CBX5: variants seen among roughly 807,000 people sequenced by gnomAD.
CBX5 encodes the protein chromobox 5, also known as chromobox protein homolog 5.
Under a neutral mutation model 20.7 loss-of-function variants are expected in CBX5, and 7 were observed. The observed-to-expected ratio is 0.34, with a 90% CI of 0.19 to 0.63. CBX5 has a LOEUF of 0.63. Among genes scored for constraint, CBX5 ranks in the 30% least tolerant of loss-of-function variants. The pLI is 0.75. For synonymous variants in CBX5, 78 were observed against 77.0 expected (o/e 1.01, Z -0.07); for missense variants, 110 against 224.1 (o/e 0.49, Z 3.25).
chr12:54,250,666 G>A (rs540224028), intron 3 of CBX5, among the ~76,000 whole-genome samples: 84 of 147,252 alleles, frequency 5.7e-4, no homozygotes, highest in Non-Finnish European at 1.0e-3. Context: ...TTAGCCGGGC[G>A]CGGTGGCGGG....
At chr12:54,257,771 G>GAC in intron 1 of CBX5, 79 bp from the exon 2 acceptor site, 2 of 1,028,446 alleles carry the variant, frequency 1.9e-6, no homozygotes, top group Non-Finnish European at 2.9e-6. Context: ...GGATGAAAAG[G>GAC]GGATAACACT....
chr12:54,258,655 A>G (rs2137022510), intron 1 of CBX5, among the ~76,000 whole-genome samples: 1 of 152,360 alleles, frequency 6.6e-6, no homozygotes, highest in Non-Finnish European at 1.5e-5. Context: ...TCAACAGAGA[A>G]TCTAGTTTTA....
At chr12:54,265,977 G>A (rs1943951903) in intron 1 of CBX5, among the ~76,000 whole-genome samples, 2 of 151,994 alleles carry the variant, frequency 1.3e-5, no homozygotes, top group South Asian at 4.2e-4. Flanking sequence ...AACCTGGGAG[G>A]TGGAGGTTGC....
chr12:54,241,749 C>T lies in CBX5; in HGVS notation c.*6G>A, dbSNP rs772992755. 8 of 1,607,586 alleles carry T rather than the reference C, an allele frequency of 5.0e-6. No homozygotes were observed. Among genetic ancestry groups the T allele is most frequent in the Admixed American group, 1.7e-5 (1 of 57,810 alleles). The stretch of plus-strand genomic sequence containing the variant: ...CAAAGAGAAATGACAGAGACCATCC[C>T]CTCCTTTAGCTCTTTGCTGTTTCTT... On this transcript the variant is annotated 3_prime_UTR_variant, in exon 5 of 5. Coordinates refer to ENST00000209875, the MANE Select transcript of CBX5 (RefSeq NM_012117.3).
chr12:54,255,615 TAA>T (rs1416865413), intron 2 of CBX5: 2 of 150,558 alleles, frequency 1.3e-5, no homozygotes, highest in Admixed American at 6.6e-5. Context: ...AAAAAAGAAT[TAA>T]AGTTTTGAAA....
At chr12:54,268,645 G>A (rs1261586300) in intron 1 of CBX5, among the ~76,000 whole-genome samples, 1 of 152,214 alleles carries the variant, frequency 6.6e-6, no homozygotes, top group African/African-American at 2.4e-5. Flanking sequence ...GTCAAGCATT[G>A]CATGAGCACA....
At chr12:54,268,441 G>A (rs544720128) in intron 1 of CBX5, among the ~76,000 whole-genome samples, 1 of 152,274 alleles carries the variant, frequency 6.6e-6, no homozygotes, top group South Asian at 2.1e-4. Flanking sequence ...AAAGGGATGG[G>A]CAATCTCAGA....
chr12:54,246,838 T>A (rs955150040), intron 3 of CBX5, among the ~76,000 whole-genome samples: 2 of 149,416 alleles, frequency 1.3e-5, no homozygotes, highest in Non-Finnish European at 3.0e-5. Flanking sequence ...GGAGTCAACA[T>A]CTAGGAACTC....
chr12:54,248,278 C>T (rs1430681388), intron 3 of CBX5, among the ~76,000 whole-genome samples: 5 of 152,212 alleles, frequency 3.3e-5, no homozygotes, highest in African/African-American at 7.2e-5. Context: ...CGTGAGCCAC[C>T]GCACCCGGCC....
intron 1 of CBX5, chr12:54,262,614 C>G (rs1378587050): frequency 6.6e-6 from 1 of 152,644 alleles, no homozygotes; most frequent in African/African-American, 2.4e-5. Flanking sequence ...CAGATCTGCT[C>G]AGGAGCAGCA....
intron 4 of CBX5, among the ~76,000 whole-genome samples, chr12:54,244,734 A>C (rs1943716583): frequency 6.6e-6 from 1 of 152,178 alleles, no homozygotes; most frequent in Non-Finnish European, 1.5e-5. Context: ...GTCTCAAAAA[A>C]AAAGAAATCA....
chr12:54,237,206 A>C lies in CBX5; in HGVS notation c.*4549T>G, dbSNP rs1003722711. 4 of 152,224 alleles carry C rather than the reference A, an allele frequency of 2.6e-5. No homozygotes were observed. Among genetic ancestry groups the C allele is most frequent in the African/African-American group, 7.2e-5 (3 of 41,452 alleles). 9.4% of individuals were successfully genotyped at this position (152,224 alleles called of 1,614,324 possible). On this transcript the variant is annotated 3_prime_UTR_variant, in exon 5 of 5. Coordinates refer to ENST00000209875, the MANE Select transcript of CBX5 (RefSeq NM_012117.3). ...CTCCACTATTCTGTCTATAATGAGA[A>C]TATATCAATAGCAGGAAATCTACTT...
intron 4 of CBX5, among the ~76,000 whole-genome samples, chr12:54,243,647 T>C (rs1330620090): frequency 6.6e-6 from 1 of 152,130 alleles, no homozygotes; most frequent in Non-Finnish European, 1.5e-5. Context: ...GGCAGGTGGA[T>C]TGCTTGAGAT....
chr12:54,254,331 CAAAAAAAAAAA>C (rs34812446), intron 2 of CBX5, among the ~76,000 whole-genome samples: 1 of 54,920 alleles, frequency 1.8e-5, no homozygotes, highest in East Asian at 5.6e-4. Context: ...AACTCCATCT[CAAAAAAAAAAA>C]AAAAAAAAAA....
intron 1 of CBX5, among the ~76,000 whole-genome samples, chr12:54,263,337 GACA>G (rs1384218184): frequency 6.6e-6 from 1 of 151,644 alleles, no homozygotes; most frequent in Non-Finnish European, 1.5e-5. Context: ...CTCCAGCCTG[GACA>G]ACAAGGGCAA....
intron 1 of CBX5, among the ~76,000 whole-genome samples, chr12:54,263,661 A>C (rs888895135): frequency 1.4e-5 from 2 of 140,768 alleles, no homozygotes; most frequent in African/African-American, 5.2e-5. Context: ...GCTACTCAGG[A>C]GGGTGAGGCA....
intron 1 of CBX5, chr12:54,272,382 C>G (rs1944018577): frequency 6.6e-6 from 1 of 152,064 alleles, no homozygotes; most frequent in South Asian, 2.1e-4. Flanking sequence ...ATGGAACAGG[C>G]ATTCAGTGAG....
chr12:54,262,183 T>C (rs1943920085), intron 1 of CBX5, among the ~76,000 whole-genome samples: 1 of 152,182 alleles, frequency 6.6e-6, no homozygotes, highest in Non-Finnish European at 1.5e-5. Context: ...ATGAAAAGAC[T>C]AATAGTAACT....
chr12:54,262,284 A>G (rs1395593294), intron 1 of CBX5, among the ~76,000 whole-genome samples: 1 of 152,252 alleles, frequency 6.6e-6, no homozygotes, highest in Non-Finnish European at 1.5e-5. Context: ...TTAATGAGGA[A>G]AGAGACAAAA....
Sources: gnomAD v4.1 joint callset for allele counts (sites outside exome capture counted in the v4.1 genomes callset) on GRCh38, gnomAD v4.1.1 for gene constraint, MANE v1.5 for transcripts, NCBI Gene and HGNC (gene_info 2026-07-23, HGNC 2026-07-21) for gene names.